The following LAMA2 variants were observed in gnomAD, a reference collection of about 807,000 sequenced individuals.
LAMA2 encodes laminin subunit alpha-2.
Under a neutral mutation model 364.8 loss-of-function variants are expected in LAMA2, and 269 were observed. The ratio of observed to expected loss-of-function variants is 0.74; its 90% CI spans 0.67 to 0.82. LAMA2 has a LOEUF of 0.82. Among genes scored for constraint, LAMA2 ranks in the 40% least tolerant of loss-of-function variants. LAMA2 has a pLI of 0.00. For synonymous variants in LAMA2, 1,379 were observed against 1,370.6 expected (o/e 1.01, Z -0.14); for missense variants, 3,807 against 3,873.2 (o/e 0.98, Z 0.45).
chr6:129,348,308 C>T (rs574419716), intron 30 of LAMA2, among the ~76,000 whole-genome samples: 3 of 152,158 alleles, frequency 2.0e-5, no homozygotes, highest in Admixed American at 6.5e-5. Flanking sequence ...TGGCACCTGA[C>T]CAAAAGGAGC....
At chr6:129,401,090 T>C (rs1365987558) in intron 37 of LAMA2, 134 bp from the exon 38 acceptor site, 2 of 749,050 alleles carry the variant, frequency 2.7e-6, no homozygotes, top group Non-Finnish European at 2.4e-6. Context: ...TATATTTTTC[T>C]CATCTAGCCA....
intron 1 of LAMA2, among the ~76,000 whole-genome samples, chr6:128,950,058 G>A (rs1012649118): frequency 6.6e-5 from 10 of 152,084 alleles, no homozygotes; most frequent in African/African-American, 2.4e-4. Context: ...AAAAATTTAA[G>A]TCAAATATTG....
intron 8 of LAMA2, among the ~76,000 whole-genome samples, chr6:129,163,249 C>T (rs566349970): frequency 6.6e-6 from 1 of 151,940 alleles, no homozygotes; most frequent in Non-Finnish European, 1.5e-5. Context: ...TTTTTTCTTT[C>T]TCCGTTCTTT....
intron 28 of LAMA2, among the ~76,000 whole-genome samples, chr6:129,322,663 A>G (rs1293243803): frequency 6.6e-6 from 1 of 152,216 alleles, no homozygotes; most frequent in Non-Finnish European, 1.5e-5. Context: ...TGACCTTTAG[A>G]TATCTTGAAG....
intron 39 of LAMA2, 62 bp from the exon 40 acceptor site, chr6:129,403,759 G>A: frequency 2.7e-6 from 4 of 1,486,584 alleles, no homozygotes; most frequent in Non-Finnish European, 3.7e-6. Context: ...ATATAATTAG[G>A]ACGTTCTTCA....
intron 4 of LAMA2, among the ~76,000 whole-genome samples, chr6:129,142,390 A>G (rs1778177930): frequency 6.6e-6 from 1 of 151,986 alleles, no homozygotes; most frequent in Non-Finnish European, 1.5e-5. Context: ...AAAGAGAGCT[A>G]GCTAGCTCTC....
chr6:129,249,184 G>A (rs1785991322), intron 12 of LAMA2, among the ~76,000 whole-genome samples: 1 of 152,116 alleles, frequency 6.6e-6, no homozygotes, highest in African/African-American at 2.4e-5. Flanking sequence ...AAAGGCCATA[G>A]AGAGCCAACC....
chr6:129,085,578 T>C (rs910088966), intron 3 of LAMA2, among the ~76,000 whole-genome samples: 2 of 152,164 alleles, frequency 1.3e-5, no homozygotes, highest in African/African-American at 2.4e-5. Context: ...ATTAGGCCAA[T>C]GTGAGGAACT....
At position 129,360,649 on chromosome 6, in the gene LAMA2, G is replaced by A. The variant is rs142589494; in HGVS notation, c.4718-5570G>A. ...CAAAAAGCAAATACAGATACCATAAGACATGGGATAATAATAAACCTTTGG... is the reference window on the plus strand; with the variant it reads ...CAAAAAGCAAATACAGATACCATAAAACATGGGATAATAATAAACCTTTGG... On this transcript the variant is annotated intron_variant, in intron 32 of 64. Transcript: ENST00000421865. Among the ~76,000 whole-genome samples, 960 of 152,278 alleles carry A rather than the reference G, an allele frequency of 6.3e-3. 7 individuals are homozygous for A. Among genetic ancestry groups the A allele is most frequent in the Non-Finnish European group, 0.011 (739 of 68,000 alleles).
chr6:129,147,601 A>G (rs1778546496), intron 6 of LAMA2, among the ~76,000 whole-genome samples: 1 of 152,044 alleles, frequency 6.6e-6, no homozygotes, highest in South Asian at 2.1e-4. Context: ...ATTAATGACA[A>G]TGAATTAAGT....
At chr6:129,345,922 A>G (rs1776524853) in intron 30 of LAMA2, among the ~76,000 whole-genome samples, 1 of 152,190 alleles carries the variant, frequency 6.6e-6, no homozygotes, top group South Asian at 2.1e-4. Context: ...CAAAGAAAAG[A>G]GGCACTTCTC....
chr6:129,409,838 T>C (rs1241887609), intron 40 of LAMA2, among the ~76,000 whole-genome samples: 1 of 152,180 alleles, frequency 6.6e-6, no homozygotes, highest in Non-Finnish European at 1.5e-5. Context: ...CCACTTAAAA[T>C]TGGCAGCCTT....
intron 4 of LAMA2, among the ~76,000 whole-genome samples, chr6:129,136,741 G>C (rs553347835): frequency 7.4e-4 from 113 of 152,278 alleles, no homozygotes; most frequent in African/African-American, 2.5e-3. Flanking sequence ...GGAAGGCAAA[G>C]CTTTCATTCA....
At chr6:129,161,683 C>T (rs1180571465) in intron 8 of LAMA2, among the ~76,000 whole-genome samples, 1 of 152,122 alleles carries the variant, frequency 6.6e-6, no homozygotes, top group African/African-American at 2.4e-5. Flanking sequence ...GCCCTGGTGT[C>T]TATTGTTGCC....
chr6:128,971,582 A>C (rs560778925), intron 1 of LAMA2, among the ~76,000 whole-genome samples: 1 of 152,286 alleles, frequency 6.6e-6, no homozygotes, highest in South Asian at 2.1e-4. Flanking sequence ...TTCCAGGCAG[A>C]GTGTCTAGAA....
At chr6:129,084,812 A>G (rs1417942608) in intron 3 of LAMA2, among the ~76,000 whole-genome samples, 2 of 152,170 alleles carry the variant, frequency 1.3e-5, no homozygotes, top group African/African-American at 4.8e-5. Flanking sequence ...CAATCATTTT[A>G]CAACCATCCA....
intron 1 of LAMA2, among the ~76,000 whole-genome samples, chr6:129,043,146 CT>C (rs1474592747): frequency 6.6e-6 from 1 of 152,074 alleles, no homozygotes; most frequent in Non-Finnish European, 1.5e-5. Flanking sequence ...GTTCTACAAA[CT>C]TTTTAATATT....
At chr6:129,030,305 G>A (rs1224265450) in intron 1 of LAMA2, among the ~76,000 whole-genome samples, 1 of 151,896 alleles carries the variant, frequency 6.6e-6, no homozygotes, top group African/African-American at 2.4e-5. Context: ...TCTTGCATGG[G>A]TCTGAAGCTC....
chr6:128,895,710 A>T (rs949305560), intron 1 of LAMA2, among the ~76,000 whole-genome samples: 1 of 152,124 alleles, frequency 6.6e-6, no homozygotes, highest in Non-Finnish European at 1.5e-5. Flanking sequence ...ATATTAGCAG[A>T]AGAGATTTTT....
Sources: gnomAD v4.1 joint callset for allele counts (sites outside exome capture counted in the v4.1 genomes callset) on GRCh38, gnomAD v4.1.1 for gene constraint, MANE v1.5 for transcripts, NCBI Gene and HGNC (gene_info 2026-07-23, HGNC 2026-07-21) for gene names.